The following PAPOLG variants were observed in gnomAD, a reference collection of about 807,000 sequenced individuals.
PAPOLG encodes the protein poly(A) polymerase gamma, also known as PAP-gamma.
PAPOLG carries 40 observed loss-of-function variants against 99.0 expected under a neutral mutation model. The ratio of observed to expected loss-of-function variants is 0.40; its 90% CI spans 0.31 to 0.53. The LOEUF is 0.53. Among genes scored for constraint, PAPOLG ranks in the 20% least tolerant of loss-of-function variants. The pLI is 0.41. For synonymous variants in PAPOLG, 310 were observed against 299.3 expected, an observed-to-expected ratio of 1.04 and a Z score of -0.37; for missense variants, 675 against 884.1, an observed-to-expected ratio of 0.76 and a Z score of 3.00.
At chr2:60,761,962 A>G (rs1670533518) in intron 3 of PAPOLG, among the ~76,000 whole-genome samples, 155 bp downstream of exon 3, 1 of 152,206 alleles carries the variant, frequency 6.6e-6, no homozygotes, top group South Asian at 2.1e-4. Flanking sequence ...TTGAATTTCT[A>G]AGTAGATGAG....
intron 14 of PAPOLG, 112 bp downstream of exon 14, chr2:60,787,178 C>A (rs1671388627): frequency 5.2e-6 from 5 of 963,506 alleles, no homozygotes; most frequent in Non-Finnish European, 7.5e-6. Context: ...GGGAGTATGA[C>A]ACATTATATA....
chr2:60,794,543 A>G (rs1671639491), intron 19 of PAPOLG, 167 bp from the exon 20 acceptor site: 1 of 635,394 alleles, frequency 1.6e-6, no homozygotes, highest in Non-Finnish European at 2.7e-6. Context: ...GTAGAAATTA[A>G]CGGTGGCAGT....
At chr2:60,774,470 A>T (rs1324443436) in intron 7 of PAPOLG, among the ~76,000 whole-genome samples, 1 of 151,306 alleles carries the variant, frequency 6.6e-6, no homozygotes, top group Non-Finnish European at 1.5e-5. Flanking sequence ...GGTTCAAGCG[A>T]TTCTCCTGCC....
In PAPOLG at chr2:60,800,366, A is replaced by G. The variant is rs557811298; in HGVS notation, c.*3206A>G. ...CCCAGCTAATTTTCGTATTTTCAGT[A>G]GAAATGGGATTTCACCATGTTGGCC... On this transcript the variant is annotated 3_prime_UTR_variant, in exon 22 of 22. Transcript: ENST00000238714. The G allele has an allele frequency of 6.6e-6, 1 of 152,302 alleles. No homozygotes were observed. The highest frequency in any genetic ancestry group is 2.4e-5 in the African/African-American group (1 of 41,556). The allele number at this position is 152,302 out of a possible 1,614,324, so 9.4% of individuals were successfully genotyped here. A position where few individuals can be genotyped will look rare whatever the true frequency, so the allele number is the denominator to read the frequency against.
intron 13 of PAPOLG, 115 bp downstream of exon 13, chr2:60,783,324 C>G (rs77961044): frequency 1.3e-5 from 2 of 157,946 alleles, no homozygotes. Flanking sequence ...TATTATATCT[C>G]TTTTTTTTTT....
At chr2:60,794,886 AG>A in intron 20 of PAPOLG, 77 bp from the exon 21 acceptor site, 1 of 1,579,394 alleles carries the variant, frequency 6.3e-7, no homozygotes, top group South Asian at 1.1e-5. Flanking sequence ...GGTTTTCGTT[AG>A]GTTTTATTTT....
chr2:60,778,978 C>T (rs887836677), intron 8 of PAPOLG, among the ~76,000 whole-genome samples: 1 of 151,674 alleles, frequency 6.6e-6, no homozygotes, highest in Non-Finnish European at 1.5e-5. Context: ...ATCATAGCTA[C>T]GCAAGAGGCT....
Position 60,768,863 on chromosome 2 carries a change from A to G in PAPOLG, c.411A>G (p.Lys137=). 1 of 1,599,172 alleles carries G rather than the reference A, an allele frequency of 6.3e-7. No individual in the cohort carries two copies. The highest frequency in any genetic ancestry group is 8.5e-7 in the Non-Finnish European group (1 of 1,171,370). Residue 137 remains lysine, a synonymous_variant, in exon 5 of 22, where the codon AAA becomes AAG. Transcript: ENST00000238714. ...TTCAGTCTTTTTTTGAAAAATTGAA[A>G]CATCAAGATGGCATTAGAAACTTAA... ...DFFQSFFEKL[K]HQDGIRNLRA...
intron 8 of PAPOLG, among the ~76,000 whole-genome samples, chr2:60,777,313 G>A (rs543936300): frequency 3.9e-5 from 6 of 152,170 alleles, no homozygotes; most frequent in South Asian, 4.2e-4. Flanking sequence ...AAAATTAGCC[G>A]AGTGTGGTGG....
chr2:60,764,385 C>A (rs1434980380), intron 3 of PAPOLG, among the ~76,000 whole-genome samples: 2 of 151,818 alleles, frequency 1.3e-5, no homozygotes, highest in Non-Finnish European at 2.9e-5. Flanking sequence ...CCTTAATCTG[C>A]ATGGATTTAG....
Position 60,800,978 on chromosome 2 carries a change from G to A in PAPOLG, c.*3818G>A, listed in dbSNP as rs1246587445. ...CCTAAAATGAAACTGTAAAGTCCTC[G>A]GTATTTAGAAAAATGCTTAATCTCA... On this transcript the variant is annotated 3_prime_UTR_variant, in exon 22 of 22. Transcript: ENST00000238714. The A allele has an allele frequency of 1.1e-4, 17 of 152,206 alleles. No homozygotes were observed. The highest frequency in any genetic ancestry group is 3.1e-4 in the African/African-American group (13 of 41,394). 9.4% of individuals were successfully genotyped at this position (152,206 alleles called of 1,614,324 possible).
intron 21 of PAPOLG, among the ~76,000 whole-genome samples, chr2:60,795,646 T>C (rs1211915248): frequency 6.6e-6 from 1 of 150,902 alleles, no homozygotes; most frequent in Non-Finnish European, 1.5e-5. Context: ...TTTATAATAA[T>C]GATAAATAAT....
intron 5 of PAPOLG, among the ~76,000 whole-genome samples, chr2:60,769,933 C>G (rs1037180292): frequency 6.6e-6 from 1 of 151,200 alleles, no homozygotes; most frequent in Non-Finnish European, 1.5e-5. Flanking sequence ...CCCCACCCCC[C>G]GACAGGCCCC....
At chr2:60,759,367 C>CA (rs71400294) in intron 1 of PAPOLG, among the ~76,000 whole-genome samples, 37,180 of 138,250 alleles carry the variant, frequency 0.27, 4,845 homozygotes, top group Middle Eastern at 0.36. Context: ...GACTCCATCT[C>CA]AAAAAAAAAA....
intron 13 of PAPOLG, among the ~76,000 whole-genome samples, chr2:60,785,585 G>A (rs534729837): frequency 7.2e-5 from 11 of 152,050 alleles, no homozygotes; most frequent in Admixed American, 4.6e-4. Context: ...GGAGTATAGT[G>A]GGGTGATCAT....
chr2:60,787,099 T>G, intron 14 of PAPOLG, 33 bp downstream of exon 14: 2 of 1,488,976 alleles, frequency 1.3e-6, no homozygotes, highest in African/African-American at 1.4e-5. Context: ...CTTTATTTCT[T>G]AAATAATGTT....
intron 15 of PAPOLG, among the ~76,000 whole-genome samples, chr2:60,788,997 A>T (rs926916577): frequency 1.3e-5 from 2 of 152,208 alleles, no homozygotes; most frequent in African/African-American, 4.8e-5. Context: ...CTATGCAGCC[A>T]TAAAAAATGA....
At chr2:60,758,523 G>T (rs1239951006) in intron 1 of PAPOLG, among the ~76,000 whole-genome samples, 5 of 150,352 alleles carry the variant, frequency 3.3e-5, no homozygotes, top group Non-Finnish European at 7.4e-5. Context: ...CGTCTCCTGG[G>T]TTCAAGCGAA....
At chr2:60,789,168 G>T (rs1671456126) in intron 15 of PAPOLG, among the ~76,000 whole-genome samples, 1 of 151,902 alleles carries the variant, frequency 6.6e-6, no homozygotes, top group Non-Finnish European at 1.5e-5. Flanking sequence ...CACACTCTGG[G>T]GACTGTTGTG....
Sources: gnomAD v4.1 joint callset for allele counts (sites outside exome capture counted in the v4.1 genomes callset) on GRCh38, gnomAD v4.1.1 for gene constraint, MANE v1.5 for transcripts, NCBI Gene and HGNC (gene_info 2026-07-23, HGNC 2026-07-21) for gene names.